The following SORBS2 variants were observed in gnomAD, a reference collection of about 807,000 sequenced individuals.
SORBS2 encodes sorbin and SH3 domain-containing protein 2.
In SORBS2, 46 loss-of-function variants were observed where a neutral mutation model predicts 97.7. That is an observed-to-expected ratio of 0.47 (90% CI 0.37 to 0.60). SORBS2 has a LOEUF of 0.60. SORBS2 is among the 20% of genes least tolerant of loss of function. SORBS2 has a pLI of 0.00. For synonymous variants in SORBS2, 476 were observed against 473.4 expected, an observed-to-expected ratio of 1.01 and a Z score of -0.07; for missense variants, 1,316 against 1,282.3, an observed-to-expected ratio of 1.03 and a Z score of -0.40.
chr4:185,858,064 G>C (rs186187369), intron 1 of SORBS2, among the ~76,000 whole-genome samples: 5 of 152,076 alleles, frequency 3.3e-5, no homozygotes, highest in Non-Finnish European at 7.4e-5. Flanking sequence ...ATAAAAACTC[G>C]CTGGTTTTGC....
Position 185,694,706 on chromosome 4 carries a change from C to CTTTTTTTTTTTTTTTTTTTT in SORBS2, c.-197-15885_-197-15884insAAAAAAAAAAAAAAAAAAAA, listed in dbSNP as rs1200094039. 8.0e-4 allele frequency among the ~76,000 whole-genome samples: 99 copies of CTTTTTTTTTTTTTTTTTTTT among 124,208 alleles called. 10 individuals carry two copies. Among genetic ancestry groups the CTTTTTTTTTTTTTTTTTTTT allele is most frequent in the African/African-American group, 2.5e-3 (83 of 33,872 alleles). The allele number at this position is 124,208 out of a possible 152,430, so 81.5% of individuals were successfully genotyped here. On this transcript the variant is annotated intron_variant, in intron 2 of 20. Coordinates refer to the SORBS2 transcript ENST00000284776. ...TTTCTTTTTCTTTTTCCTTTTCTTTCTTTTCTTTTCTTTTTTTTGAGACGG... is the reference window on the plus strand; with the variant it reads ...TTTCTTTTTCTTTTTCCTTTTCTTTCTTTTTTTTTTTTTTTTTTTTTTTTCTTTTCTTTTTTTTGAGACGG...
chr4:185,589,744 T>A, exon 14 of SORBS2: 1 of 1,612,518 alleles, frequency 6.2e-7, no homozygotes, highest in Non-Finnish European at 8.5e-7. Flanking sequence ...GAGCTCCAGC[T>A]CATCTTCATT....
At chr4:185,646,446 T>TAC (rs2097210199) in intron 4 of SORBS2, 6 of 64,892 alleles carry the variant, frequency 9.2e-5, no homozygotes, top group East Asian at 8.7e-4. Context: ...TACACACACA[T>TAC]ACACACACAC....
intron 4 of SORBS2, among the ~76,000 whole-genome samples, chr4:185,664,440 T>G (rs891282745): frequency 2.0e-5 from 3 of 152,168 alleles, no homozygotes; most frequent in Non-Finnish European, 4.4e-5. Context: ...CACTGCCTTC[T>G]TTTTTTGGTT....
intron 2 of SORBS2, among the ~76,000 whole-genome samples, chr4:185,770,447 G>A (rs909539660): frequency 3.9e-5 from 6 of 152,146 alleles, no homozygotes; most frequent in Admixed American, 1.3e-4. Flanking sequence ...TGCTCAAAAC[G>A]TTGCAGATTT....
intron 1 of SORBS2, among the ~76,000 whole-genome samples, chr4:185,947,576 T>C (rs1038580920): frequency 6.6e-6 from 1 of 151,768 alleles, no homozygotes; most frequent in African/African-American, 2.4e-5. Flanking sequence ...TCATCTCACC[T>C]ACACAATAGG....
chr4:185,712,790 G>A (rs1439602239), intron 2 of SORBS2, among the ~76,000 whole-genome samples: 6 of 152,322 alleles, frequency 3.9e-5, no homozygotes, highest in Non-Finnish European at 7.3e-5. Context: ...GTGAGGAGTT[G>A]AGAGGGGCAG....
intron 1 of SORBS2, among the ~76,000 whole-genome samples, chr4:185,785,271 G>A (rs557968194): frequency 6.6e-6 from 1 of 152,064 alleles, no homozygotes; most frequent in East Asian, 1.9e-4. Context: ...TCTTAAAATG[G>A]TGAATGCTGT....
exon 7 of SORBS2, chr4:185,624,187 A>G: frequency 6.2e-7 from 1 of 1,614,176 alleles, no homozygotes; most frequent in East Asian, 2.2e-5. Context: ...AGTCCTCCTC[A>G]CATAACAGGG....
chr4:185,917,214 T>A lies in SORBS2; in HGVS notation c.-338+38982A>T, dbSNP rs369736641. 2.8e-4 allele frequency among the ~76,000 whole-genome samples: 42 copies of A among 152,324 alleles called. 1 individual carries two copies. The South Asian group carries it at 7.7e-3, about 28-fold the overall frequency. On this transcript the variant is annotated intron_variant, in intron 1 of 20. Coordinates refer to the SORBS2 transcript ENST00000284776. ...ATACCCTGCCCTGTGCGTCTCTTCATCTGTATCCTTTGTATCCTTTTCATT... is the reference window on the plus strand; with the variant it reads ...ATACCCTGCCCTGTGCGTCTCTTCAACTGTATCCTTTGTATCCTTTTCATT...
intron 2 of SORBS2, among the ~76,000 whole-genome samples, chr4:185,695,212 C>T (rs977199238): frequency 2.6e-5 from 4 of 152,074 alleles, no homozygotes; most frequent in Admixed American, 2.6e-4. Context: ...TATCAGGCAT[C>T]CCATTCTGAA....
chr4:185,858,521 G>T (rs1320256998), intron 1 of SORBS2, among the ~76,000 whole-genome samples: 1 of 152,122 alleles, frequency 6.6e-6, no homozygotes, highest in Non-Finnish European at 1.5e-5. Context: ...AAGATGCTTA[G>T]CACATGTTGG....
At chr4:185,786,260 A>G (rs1025769005) in intron 1 of SORBS2, among the ~76,000 whole-genome samples, 2 of 152,224 alleles carry the variant, frequency 1.3e-5, no homozygotes, top group African/African-American at 4.8e-5. Context: ...TTGACATAAC[A>G]GTCTCCTTCG....
intron 2 of SORBS2, among the ~76,000 whole-genome samples, chr4:185,716,808 G>A (rs1293915991): frequency 6.6e-6 from 1 of 152,164 alleles, no homozygotes; most frequent in Non-Finnish European, 1.5e-5. Context: ...CTGCGCAGGC[G>A]GGTCAGAGGC....
chr4:185,811,328 C>T (rs565575228), intron 1 of SORBS2, among the ~76,000 whole-genome samples: 3 of 152,158 alleles, frequency 2.0e-5, no homozygotes, highest in African/African-American at 7.2e-5. Context: ...GTGCAGGTCA[C>T]GAAAGAATCC....
At chr4:185,908,282 T>TAG (rs1223537298) in intron 1 of SORBS2, among the ~76,000 whole-genome samples, 1 of 13,678 alleles carries the variant, frequency 7.3e-5, no homozygotes, top group Non-Finnish European at 1.6e-4. Flanking sequence ...AAAGGCTATA[T>TAG]ATATATATAT....
chr4:185,636,775 A>G (rs999684076), intron 4 of SORBS2, among the ~76,000 whole-genome samples: 2 of 151,940 alleles, frequency 1.3e-5, no homozygotes, highest in Admixed American at 6.6e-5. Context: ...CGGTCTCCCA[A>G]GTAGCTGGGA....
chr4:185,807,240 A>G (rs959082624), intron 1 of SORBS2, among the ~76,000 whole-genome samples: 1 of 152,140 alleles, frequency 6.6e-6, no homozygotes, highest in African/African-American at 2.4e-5. Flanking sequence ...TATAATGAGA[A>G]CATTACCAGG....
At position 185,662,129 on chromosome 4, in the gene SORBS2, A is replaced by G. The variant is rs759030182; in HGVS notation, c.69T>C (p.Ile23=). Residue 23 remains isoleucine, a synonymous_variant, in exon 5 of 21, where the codon ATT becomes ATC. Transcript: ENST00000284776. ...CGAGGGATGTGCCGTGCTGCATGAC[A>G]ATGCTGGAGTTGAGTGAGGCTGGGA... is the stretch of plus-strand genomic sequence containing the variant. 5.0e-6 allele frequency: 8 copies of G among 1,614,166 alleles called. No homozygotes were observed. In the South Asian group the frequency reaches 5.5e-5, roughly 11 times the overall value.
Sources: gnomAD v4.1 joint callset for allele counts (sites outside exome capture counted in the v4.1 genomes callset) on GRCh38, gnomAD v4.1.1 for gene constraint, MANE v1.5 for transcripts, NCBI Gene and HGNC (gene_info 2026-07-23, HGNC 2026-07-21) for gene names.